ADGRB3: variants seen among roughly 807,000 people sequenced by gnomAD.
The protein encoded by ADGRB3 is adhesion G protein-coupled receptor B3, also known as brain-specific angiogenesis inhibitor 3.
ADGRB3 carries 37 observed loss-of-function variants against 193.4 expected under a neutral mutation model. The ratio of observed to expected loss-of-function variants is 0.19; its 90% confidence interval spans 0.15 to 0.25. The LOEUF (loss-of-function observed/expected upper bound fraction) is 0.25, where lower values mean the gene tolerates loss of function less well. Ranked by LOEUF, ADGRB3 falls within the 10% of genes least tolerant of loss-of-function variation. The probability of loss-of-function intolerance (pLI) is 1.00; values close to 1 mark genes in which losing one functional copy is unlikely to be tolerated. For synonymous variants in ADGRB3, 690 were observed against 644.2 expected, an observed-to-expected ratio of 1.07 and a Z score of -1.08; for missense variants, 1,637 against 1,852.9, an observed-to-expected ratio of 0.88 and a Z score of 2.14.
chr6:69,033,321 CAAAT>C (rs776781763), intron 13 of ADGRB3, among the ~76,000 whole-genome samples: 3 of 152,246 alleles, frequency 2.0e-5, no homozygotes, highest in Non-Finnish European at 4.4e-5. Flanking sequence ...ATGATTCATA[CAAAT>C]AAATAGTTTC....
intron 30 of ADGRB3, 147 bp from the exon 31 acceptor site, chr6:69,382,684 A>G: frequency 2.0e-6 from 1 of 496,466 alleles, no homozygotes; most frequent in Non-Finnish European, 3.5e-6. Context: ...ATTTGCTGCA[A>G]CTTATTTGCA....
intron 17 of ADGRB3, among the ~76,000 whole-genome samples, chr6:69,183,809 T>C (rs1765003114): frequency 6.6e-6 from 1 of 152,108 alleles, no homozygotes; most frequent in African/African-American, 2.4e-5. Flanking sequence ...ATTAATTTCA[T>C]TGACATGAAC....
intron 15 of ADGRB3, among the ~76,000 whole-genome samples, chr6:69,050,145 G>A (rs1224966816): frequency 6.6e-6 from 1 of 152,134 alleles, no homozygotes; most frequent in Admixed American, 6.5e-5. Flanking sequence ...GGAGAGGAAA[G>A]AATATAAATG....
At chr6:69,211,674 T>A (rs1380720932) in intron 17 of ADGRB3, among the ~76,000 whole-genome samples, 1 of 152,180 alleles carries the variant, frequency 6.6e-6, no homozygotes, top group East Asian at 1.9e-4. Flanking sequence ...TATTATCATC[T>A]TCTTCTCACT....
rs192389610 is a variant in ADGRB3, at chr6:69,033,867, G to A, written c.2108-14318G>A. ...AGAATCCTACAATAACAAGATTTAA[G>A]GGGTTTATAATTGTCTATACTGGAC... is the stretch of plus-strand genomic sequence containing the variant. On this transcript the variant is annotated intron_variant, in intron 13 of 31. Coordinates refer to ENST00000370598, the MANE Select transcript of ADGRB3 (RefSeq NM_001704.3). Among the ~76,000 whole-genome samples, 187 of 152,120 alleles carry A rather than the reference G, an allele frequency of 1.2e-3. 1 individual carries two copies. Among genetic ancestry groups the A allele is most frequent in the African/African-American group, 4.4e-3 (184 of 41,556 alleles).
intron 18 of ADGRB3, among the ~76,000 whole-genome samples, chr6:69,233,968 A>G (rs1202983247): frequency 1.3e-5 from 2 of 152,170 alleles, no homozygotes; most frequent in African/African-American, 4.8e-5. Context: ...ATAGTTTTTC[A>G]AAAATAGTTT....
chr6:69,281,777 G>A (rs193098003), intron 20 of ADGRB3, among the ~76,000 whole-genome samples: 8 of 152,202 alleles, frequency 5.3e-5, no homozygotes, highest in African/African-American at 1.4e-4. Context: ...ATTACTCTGT[G>A]TTGGGTGCCA....
At chr6:69,097,840 C>A (rs1772927383) in intron 17 of ADGRB3, among the ~76,000 whole-genome samples, 1 of 151,858 alleles carries the variant, frequency 6.6e-6, no homozygotes, top group Non-Finnish European at 1.5e-5. Context: ...TTATAGTCTT[C>A]CTTCAAGAGA....
chr6:68,656,918 T>A (rs1768503095), intron 3 of ADGRB3, among the ~76,000 whole-genome samples: 2 of 151,580 alleles, frequency 1.3e-5, no homozygotes, highest in Admixed American at 1.3e-4. Flanking sequence ...CCAAAAGCAA[T>A]ATTAAGATTA....
intron 3 of ADGRB3, among the ~76,000 whole-genome samples, chr6:68,662,828 T>G (rs1315267946): frequency 6.6e-6 from 1 of 151,312 alleles, no homozygotes; most frequent in Non-Finnish European, 1.5e-5. Context: ...TTTGACAAAT[T>G]AACTACAAAA....
At chr6:68,640,394 T>G (rs1208351231) in intron 3 of ADGRB3, among the ~76,000 whole-genome samples, 1 of 152,232 alleles carries the variant, frequency 6.6e-6, no homozygotes, top group Non-Finnish European at 1.5e-5. Flanking sequence ...TGATTATGTT[T>G]AATAATGCAA....
chr6:68,947,596 T>G (rs1487536792), intron 6 of ADGRB3, among the ~76,000 whole-genome samples: 1 of 152,138 alleles, frequency 6.6e-6, no homozygotes, highest in Non-Finnish European at 1.5e-5. Flanking sequence ...AAAGTGATCT[T>G]GGACTTTTGC....
chr6:68,774,814 T>C (rs1355118846), intron 3 of ADGRB3, among the ~76,000 whole-genome samples: 25 of 152,070 alleles, frequency 1.6e-4, no homozygotes, highest in Admixed American at 1.6e-3. Flanking sequence ...AACAGTAAGA[T>C]TCTATCAATA....
At chr6:69,021,042 C>T (rs1192368670) in intron 13 of ADGRB3, among the ~76,000 whole-genome samples, 2 of 151,814 alleles carry the variant, frequency 1.3e-5, no homozygotes, top group Non-Finnish European at 2.9e-5. Context: ...TGAATTGGCC[C>T]TCATTCTGTC....
At chr6:69,343,587 G>T (rs921960764) in intron 26 of ADGRB3, among the ~76,000 whole-genome samples, 1 of 151,896 alleles carries the variant, frequency 6.6e-6, no homozygotes, top group Non-Finnish European at 1.5e-5. Flanking sequence ...ATAACTATTT[G>T]TTCTGACCTT....
At chr6:68,818,318 C>G (rs1212951015) in intron 3 of ADGRB3, among the ~76,000 whole-genome samples, 2 of 152,016 alleles carry the variant, frequency 1.3e-5, no homozygotes, top group Non-Finnish European at 2.9e-5. Context: ...ATGCTCATTG[C>G]CCACCTCCAT....
intron 3 of ADGRB3, among the ~76,000 whole-genome samples, chr6:68,738,259 C>A (rs1355329396): frequency 1.3e-5 from 2 of 152,134 alleles, no homozygotes; most frequent in Non-Finnish European, 2.9e-5. Flanking sequence ...CAGATGAGAT[C>A]TCAGTGGTGA....
chr6:68,686,176 T>C (rs1224105312), intron 3 of ADGRB3, among the ~76,000 whole-genome samples: 1 of 152,198 alleles, frequency 6.6e-6, no homozygotes, highest in Non-Finnish European at 1.5e-5. Flanking sequence ...TTGATGACAG[T>C]AATGAGCAGA....
chr6:68,923,768 G>T (rs1328863869), intron 3 of ADGRB3, among the ~76,000 whole-genome samples: 1 of 152,022 alleles, frequency 6.6e-6, no homozygotes, highest in African/African-American at 2.4e-5. Flanking sequence ...TGAAGACAGA[G>T]TGTGCATGTC....
Sources: gnomAD v4.1 joint callset for allele counts (sites outside exome capture counted in the v4.1 genomes callset) on GRCh38, gnomAD v4.1.1 for gene constraint, MANE v1.5 for transcripts, NCBI Gene and HGNC (gene_info 2026-07-23, HGNC 2026-07-21) for gene names.